The following PAQR7 variants were observed in gnomAD, a reference collection of about 807,000 sequenced individuals.
The protein encoded by PAQR7 is progestin and adipoQ receptor family member 7.
PAQR7 carries 14 observed loss-of-function variants against 24.6 expected under a neutral mutation model. That is an observed-to-expected ratio of 0.57 (90% CI 0.38 to 0.89). PAQR7 has a LOEUF of 0.89. Ranked by LOEUF, PAQR7 falls within the 40% of genes least tolerant of loss-of-function variation. The pLI is 0.00. For missense variants in PAQR7, 351 were observed against 444.0 expected (o/e 0.79, Z 1.88); for synonymous variants, 189 against 198.8 (o/e 0.95, Z 0.42).
At chr1:25,874,182 CTT>C (rs36099426) in intron 1 of PAQR7, among the ~76,000 whole-genome samples, 12 of 139,970 alleles carry the variant, frequency 8.6e-5, no homozygotes, top group South Asian at 6.8e-4. Context: ...CATGCCCAGA[CTT>C]TTTTTTTTTT....
At chr1:25,874,822 C>A (rs2048635817) in intron 1 of PAQR7, among the ~76,000 whole-genome samples, 1 of 152,176 alleles carries the variant, frequency 6.6e-6, no homozygotes, top group Non-Finnish European at 1.5e-5. Flanking sequence ...GTGTGGGGGA[C>A]CCCCAGGCTC....
At chr1:25,864,240 G>C (rs2048538348) in intron 2 of PAQR7, among the ~76,000 whole-genome samples, 2 of 152,144 alleles carry the variant, frequency 1.3e-5, no homozygotes, top group Admixed American at 1.3e-4. Flanking sequence ...AGAGGGGTGA[G>C]GCGCTCTCAG....
chr1:25,863,133 G>A lies in PAQR7; in HGVS notation c.707C>T (p.Pro236Leu), dbSNP rs777910944. 2.5e-6 allele frequency: 4 copies of A among 1,614,162 alleles called. No homozygotes were observed. Among genetic ancestry groups the A allele is most frequent in the Non-Finnish European group, 3.4e-6 (4 of 1,180,052 alleles). The part of the protein sequence containing the change: ...FVSSDPTTDD[P>L]ALLYHKCQVV... ...CTGGCACTTGTGGTAGAGAAGAGCTGGATCATCCGTGGTGGGGTCGGAGGA... is the reference window on the plus strand; with the variant it reads ...CTGGCACTTGTGGTAGAGAAGAGCTAGATCATCCGTGGTGGGGTCGGAGGA... The change falls in exon 3 of 3, where the codon CCA (proline) becomes CTA (leucine). Residue 236 changes from proline to leucine, a missense_variant. Coordinates refer to ENST00000675840, the MANE Select transcript of PAQR7 (RefSeq NM_178422.6). The surrounding 1 kb of genome is among the most constrained non-coding windows in gnomAD (Gnocchi z 6.1).
Position 25,862,960 on chromosome 1 carries a change from C to A in PAQR7, c.880G>T (p.Ala294Ser), listed in dbSNP as rs751196206. 1 of 1,614,156 alleles carries A rather than the reference C, an allele frequency of 6.2e-7. No homozygotes were observed. The highest frequency in any genetic ancestry group is 8.5e-7 in the Non-Finnish European group (1 of 1,180,048). Residue 294 changes from alanine to serine, a missense_variant, in exon 3 of 3, where the codon GCA (alanine) becomes TCA (serine). Physicochemically the swap from Ala to Ser is moderately conservative, Grantham distance 99. Transcript: ENST00000675840. The stretch of plus-strand genomic sequence containing the variant: ...GGCCGTCGGGCCTCATAGTCCAGTG[C>A]CACAGCCTCCAGCTGAGCCAGCGTG... ...LCTLAQLEAV[A>S]LDYEARRPIY...
chr1:25,866,694 G>A (rs2048559713), intron 2 of PAQR7, among the ~76,000 whole-genome samples: 1 of 152,170 alleles, frequency 6.6e-6, no homozygotes, highest in Non-Finnish European at 1.5e-5. Context: ...GCAGATGGCA[G>A]AGGCATGCTC....
intron 2 of PAQR7, among the ~76,000 whole-genome samples, chr1:25,865,340 T>C (rs2048548205): frequency 6.6e-6 from 1 of 152,170 alleles, no homozygotes; most frequent in Non-Finnish European, 1.5e-5. Flanking sequence ...TGTGAATCCC[T>C]GGTGCTTAGC....
chr1:25,873,663 C>T (rs2048623002), intron 1 of PAQR7, among the ~76,000 whole-genome samples: 1 of 152,128 alleles, frequency 6.6e-6, no homozygotes, highest in Non-Finnish European at 1.5e-5. Flanking sequence ...CTCAACTGCC[C>T]AGGCTCAAGC....
At position 25,863,258 on chromosome 1, in the gene PAQR7, G is replaced by A. The variant is rs148705012; in HGVS notation, c.582C>T (p.Tyr194=). 7.2e-5 allele frequency: 117 copies of A among 1,614,146 alleles called. No individual in the cohort carries two copies. The highest frequency in any genetic ancestry group is 3.3e-4 in the Middle Eastern group (2 of 6,084). ...GGCCCAGCAGGCCTGGTTTCTGGAT[G>A]TACTTGTTATAGCAGGAGCCAATGC... is the stretch of plus-strand genomic sequence containing the variant. ...LSCIGSCYNK[Y]IQKPGLLGRT... is the part of the protein sequence containing the mutation. Residue 194 remains tyrosine, a synonymous_variant, in exon 3 of 3, where the codon TAC becomes TAT. Coordinates refer to ENST00000675840, the MANE Select transcript of PAQR7 (RefSeq NM_178422.6). The surrounding 1 kb of genome is among the most constrained non-coding windows in gnomAD (Gnocchi z 6.1).
intron 1 of PAQR7, among the ~76,000 whole-genome samples, chr1:25,872,509 A>ATTTTTTTT (rs55654329): frequency 2.8e-5 from 3 of 108,916 alleles, no homozygotes; most frequent in African/African-American, 3.6e-5. Flanking sequence ...ACACCACAGG[A>ATTTTTTTT]TTTTTTTTTT....
At chr1:25,871,298 G>C (rs1012571632) in intron 1 of PAQR7, 2 of 152,154 alleles carry the variant, frequency 1.3e-5, no homozygotes, top group African/African-American at 4.8e-5. Context: ...CAAGAGATGT[G>C]GCTAAGCAGT....
chr1:25,870,959 T>G (rs181024440), intron 1 of PAQR7: 5 of 152,322 alleles, frequency 3.3e-5, no homozygotes, highest in African/African-American at 1.2e-4. Flanking sequence ...ATTTAGGGAC[T>G]CAACAAATAT....
rs2048523640 is a variant in PAQR7, at chr1:25,862,977, G to C, written c.863C>G (p.Ala288Gly). ...FHIFLVLCTL[A>G]QLEAVALDYE... ...GTCCAGTGCCACAGCCTCCAGCTGA[G>C]CCAGCGTGCACAGCACCAAGAAGAT... The change falls in exon 3 of 3, where the codon GCT (alanine) becomes GGT (glycine). Residue 288 changes from alanine (A) to glycine (G), a missense_variant. Ala to Gly is a moderately conservative substitution (Grantham distance 60). Coordinates refer to ENST00000675840, the MANE Select transcript of PAQR7 (RefSeq NM_178422.6). 3 of 1,614,178 alleles carry C rather than the reference G, an allele frequency of 1.9e-6. No individual in the cohort carries two copies. Among genetic ancestry groups the C allele is most frequent in the African/African-American group, 1.3e-5 (1 of 75,056 alleles).
chr1:25,863,469 G>A lies in PAQR7; in HGVS notation c.371C>T (p.Ala124Val). ...CTCAGACTTGGCCTGCAGGAGGTGA[G>A]CCAAGGCACTGAAGGAGAGGTAGGT... ...SFTYLSFSAL[A>V]HLLQAKSEFW... Residue 124 changes from alanine to valine, a missense_variant, in exon 3 of 3, where the codon GCT becomes GTT. Physicochemically the swap from Ala to Val is moderately conservative, Grantham distance 64. Transcript: ENST00000675840. This position sits in a 1 kb window ranked among gnomAD's most constrained non-coding sequence, Gnocchi z 6.1. The A allele has an allele frequency of 6.2e-7, 1 of 1,614,204 alleles. No individual in the cohort carries two copies. Among genetic ancestry groups the A allele is most frequent in the Non-Finnish European group, 8.5e-7 (1 of 1,180,038 alleles).
At chr1:25,867,150 A>G (rs186242896) in intron 2 of PAQR7, among the ~76,000 whole-genome samples, 202 of 152,178 alleles carry the variant, frequency 1.3e-3, no homozygotes, top group Middle Eastern at 3.4e-3. Context: ...CAGCCTCCCA[A>G]GTGGCTGGGG....
chr1:25,865,819 A>T (rs972069372), intron 2 of PAQR7, among the ~76,000 whole-genome samples: 1 of 151,612 alleles, frequency 6.6e-6, no homozygotes, highest in African/African-American at 2.4e-5. Flanking sequence ...AAATAAATAA[A>T]TAAATAAAAA....
In PAQR7 at chr1:25,862,442, G is replaced by A. The variant is rs937617092; in HGVS notation, c.*357C>T. The stretch of plus-strand genomic sequence containing the variant: ...CCTGGCTCAGCTCAAATCTGACTCT[G>A]GCCTAAGTTTCACCTCCTGCCTAGA... On this transcript the variant is annotated 3_prime_UTR_variant, in exon 3 of 3. Transcript: ENST00000675840. 12 of 223,834 alleles carry A rather than the reference G, an allele frequency of 5.4e-5. No homozygotes were observed. The highest frequency in any genetic ancestry group is 2.5e-4 in the African/African-American group (11 of 43,424). 13.9% of individuals were successfully genotyped at this position (223,834 alleles called of 1,614,324 possible). A position where few individuals can be genotyped will look rare whatever the true frequency, so the allele number is the denominator to read the frequency against.
intron 2 of PAQR7, among the ~76,000 whole-genome samples, chr1:25,867,099 C>T (rs2048563522): frequency 6.6e-6 from 1 of 152,200 alleles, no homozygotes; most frequent in Non-Finnish European, 1.5e-5. Context: ...AATCACAGCT[C>T]ACTGCAGCCT....
chr1:25,871,776 C>G (rs1037881609), intron 1 of PAQR7, among the ~76,000 whole-genome samples: 1 of 152,238 alleles, frequency 6.6e-6, no homozygotes, highest in Admixed American at 6.5e-5. Context: ...AGATTTCACT[C>G]AGTGCTTATA....
At chr1:25,864,516 C>T (rs562720850) in intron 2 of PAQR7, among the ~76,000 whole-genome samples, 206 of 152,332 alleles carry the variant, frequency 1.4e-3, no homozygotes, top group African/African-American at 4.8e-3. Flanking sequence ...CTGCCTGAGA[C>T]ATTTTCCTCA....
Sources: gnomAD v4.1 joint callset for allele counts (sites outside exome capture counted in the v4.1 genomes callset) on GRCh38, gnomAD v4.1.1 for gene constraint, Gnocchi (gnomAD v3.1) non-coding constraint, MANE v1.5 for transcripts, NCBI Gene and HGNC (gene_info 2026-07-23, HGNC 2026-07-21) for gene names.